Variants in DPP6 observed in about 807,000 individuals in gnomAD.
The protein encoded by DPP6 is dipeptidyl peptidase like 6, also known as A-type potassium channel modulatory protein DPP6.
In DPP6, 69 loss-of-function variants were observed where a neutral mutation model predicts 122.6. That is an observed-to-expected ratio of 0.56 (90% CI 0.46 to 0.69). The LOEUF (loss-of-function observed/expected upper bound fraction) is 0.69, where lower values mean the gene tolerates loss of function less well. DPP6 is among the 30% of genes least tolerant of loss of function. The probability of loss-of-function intolerance (pLI) is 0.00; values close to 1 mark genes in which losing one functional copy is unlikely to be tolerated. For synonymous variants in DPP6, 418 were observed against 433.1 expected, an observed-to-expected ratio of 0.97 and a Z score of 0.43; for missense variants, 928 against 1,116.9, an observed-to-expected ratio of 0.83 and a Z score of 2.41.
At chr7:154,427,533 C>T (rs1225649582) in intron 1 of DPP6, among the ~76,000 whole-genome samples, 1 of 152,198 alleles carries the variant, frequency 6.6e-6, no homozygotes, top group East Asian at 1.9e-4. Context: ...CTGAATATTG[C>T]ACATGAATCT....
At chr7:154,459,016 A>G (rs1010315562) in intron 2 of DPP6, among the ~76,000 whole-genome samples, 1 of 152,228 alleles carries the variant, frequency 6.6e-6, no homozygotes, top group African/African-American at 2.4e-5. Flanking sequence ...GGAGAGGAAG[A>G]GGAATAGGAA....
chr7:153,832,580 G>T, the DPP6 span, among the ~76,000 whole-genome samples: 2 of 152,238 alleles, frequency 1.3e-5, no homozygotes, highest in Non-Finnish European at 1.5e-5. Context: ...TGATGCCAAG[G>T]ACTTAGATAC....
At chr7:153,940,618 C>T (rs1801652802) in intron 1 of DPP6, among the ~76,000 whole-genome samples, 1 of 152,116 alleles carries the variant, frequency 6.6e-6, no homozygotes, top group Non-Finnish European at 1.5e-5. Context: ...GTGACTGCAC[C>T]ATGGGAACTA....
intron 1 of DPP6, among the ~76,000 whole-genome samples, chr7:154,371,191 A>G (rs1488741813): frequency 6.6e-6 from 1 of 151,962 alleles, no homozygotes; most frequent in African/African-American, 2.4e-5. Context: ...CAGCCTGGCC[A>G]ACATGGCAAA....
chr7:153,844,863 T>A, the DPP6 span, among the ~76,000 whole-genome samples: 1 of 152,114 alleles, frequency 6.6e-6, no homozygotes, highest in East Asian at 1.9e-4. Flanking sequence ...GGCTCTTGAG[T>A]GTGGTAGAAG....
intron 7 of DPP6, among the ~76,000 whole-genome samples, chr7:154,683,631 T>C (rs73494078): frequency 0.022 from 3,395 of 152,234 alleles, 114 homozygotes; most frequent in African/African-American, 0.077. Context: ...ATGTCCATTT[T>C]CCCATGTAAA....
chr7:154,872,705 C>T lies in DPP6; in HGVS notation c.1883+12C>T. ...CTGCTCCTGGTGGTGTAAGTATCGT[C>T]ACATCTGTCTTTCCCTGGTGCTCGT... On this transcript the variant is annotated intron_variant, in intron 19 of 25. Transcript: ENST00000377770. The T allele has an allele frequency of 6.3e-7, 1 of 1,588,144 alleles. No homozygotes were observed. Among genetic ancestry groups the T allele is most frequent in the Non-Finnish European group, 8.6e-7 (1 of 1,167,120 alleles).
In DPP6 at chr7:154,875,189, C is replaced by G. The variant is rs1804747571; in HGVS notation, c.1884-717C>G. Among the ~76,000 whole-genome samples, 1 of 151,858 alleles carries G rather than the reference C, an allele frequency of 6.6e-6. No homozygotes were observed. Among genetic ancestry groups the G allele is most frequent in the South Asian group, 2.1e-4 (1 of 4,798 alleles). Reference sequence around the variant, plus strand: ...GGGAGGGAGGAAGGGAGGGAACAGCCCTGTTTGAGGAAAAAGAAAACAGCC... The same window carrying G: ...GGGAGGGAGGAAGGGAGGGAACAGCGCTGTTTGAGGAAAAAGAAAACAGCC... On this transcript the variant is annotated intron_variant, in intron 19 of 25. Coordinates refer to ENST00000377770, the MANE Select transcript of DPP6 (RefSeq NM_130797.4). The surrounding 1 kb of genome is among the most constrained non-coding windows in gnomAD (Gnocchi z 4.5).
chr7:154,727,948 G>A (rs890281169), intron 8 of DPP6, 61 bp downstream of exon 8: 37 of 1,489,636 alleles, frequency 2.5e-5, no homozygotes, highest in Admixed American at 2.2e-5. Flanking sequence ...CTACATTGGA[G>A]TTGGGTTCTT....
the DPP6 span, among the ~76,000 whole-genome samples, chr7:153,873,865 C>T: frequency 6.6e-6 from 1 of 152,194 alleles, no homozygotes; most frequent in African/African-American, 2.4e-5. Flanking sequence ...GGCATTCACT[C>T]ATTTGCACAA....
intron 1 of DPP6, among the ~76,000 whole-genome samples, chr7:154,302,667 C>T (rs1477310386): frequency 6.6e-6 from 1 of 152,240 alleles, no homozygotes; most frequent in Non-Finnish European, 1.5e-5. Context: ...ACAAGCTTTG[C>T]ACTCTATCCA....
At chr7:154,541,066 C>T (rs1828686591) in intron 4 of DPP6, among the ~76,000 whole-genome samples, 1 of 152,154 alleles carries the variant, frequency 6.6e-6, no homozygotes, top group Non-Finnish European at 1.5e-5. Context: ...GCTTATGCCT[C>T]AAAGTAAATA....
At chr7:154,378,775 G>C (rs1322887006) in intron 1 of DPP6, among the ~76,000 whole-genome samples, 1 of 152,180 alleles carries the variant, frequency 6.6e-6, no homozygotes, top group Non-Finnish European at 1.5e-5. Flanking sequence ...CGCATGGCTG[G>C]GGAAGCCTCA....
chr7:154,194,634 A>G (rs1231318990), intron 1 of DPP6, among the ~76,000 whole-genome samples: 1 of 152,194 alleles, frequency 6.6e-6, no homozygotes, highest in Non-Finnish European at 1.5e-5. Context: ...ATATAGGATG[A>G]ATTCTTTCGT....
the DPP6 span, among the ~76,000 whole-genome samples, chr7:153,878,797 T>C: frequency 6.6e-6 from 1 of 152,130 alleles, no homozygotes; most frequent in Non-Finnish European, 1.5e-5. Flanking sequence ...GGTTTGTTTT[T>C]ACATTAAAAG....
At chr7:153,841,994 G>A in the DPP6 span, among the ~76,000 whole-genome samples, 7 of 152,248 alleles carry the variant, frequency 4.6e-5, no homozygotes, top group East Asian at 1.9e-4. Context: ...TTCTCTTGAC[G>A]TTTCATTGAT....
chr7:154,278,577 G>A (rs1420884598), intron 1 of DPP6, among the ~76,000 whole-genome samples: 1 of 152,238 alleles, frequency 6.6e-6, no homozygotes, highest in Non-Finnish European at 1.5e-5. Flanking sequence ...TTTGGCTATA[G>A]GTGGTGCAAC....
At chr7:154,071,051 C>G (rs1286715582) in intron 1 of DPP6, among the ~76,000 whole-genome samples, 1 of 152,044 alleles carries the variant, frequency 6.6e-6, no homozygotes, top group African/African-American at 2.4e-5. Context: ...TTGTTTTTTG[C>G]TGATAAAGGT....
the DPP6 span, among the ~76,000 whole-genome samples, chr7:153,792,911 T>C: frequency 0.41 from 62,187 of 150,392 alleles, 10,986 homozygotes; most frequent in Middle Eastern, 0.5. Flanking sequence ...CAGGGGTTTC[T>C]GCTTTTGCTT....
Sources: allele counts gnomAD v4.1 joint callset (sites outside exome capture counted in the v4.1 genomes callset), GRCh38; gene constraint gnomAD v4.1.1; non-coding constraint Gnocchi (gnomAD v3.1); transcripts MANE v1.5; gene names NCBI Gene and HGNC (gene_info 2026-07-23, HGNC 2026-07-21).